The following CDC73 variants were observed in gnomAD, a reference collection of about 807,000 sequenced individuals.
CDC73 encodes cell division cycle 73.
In CDC73, 21 loss-of-function variants were observed where a neutral mutation model predicts 83.7. The ratio of observed to expected loss-of-function variants is 0.25; its 90% CI spans 0.18 to 0.36. The LOEUF (loss-of-function observed/expected upper bound fraction) is 0.36. CDC73 is among the 10% of genes least tolerant of loss of function. CDC73 has a pLI of 1.00. For missense variants in CDC73, 342 were observed against 653.3 expected (o/e 0.52, Z 5.19); for synonymous variants, 224 against 212.9 (o/e 1.05, Z -0.45).
chr1:193,247,972 A>G (rs554560946), intron 15 of CDC73, among the ~76,000 whole-genome samples: 9 of 152,308 alleles, frequency 5.9e-5, no homozygotes, highest in Admixed American at 5.2e-4. Context: ...TACAGTGAAT[A>G]TTATTGATGA....
chr1:193,206,128 C>G (rs1677185805), intron 11 of CDC73, among the ~76,000 whole-genome samples: 1 of 152,022 alleles, frequency 6.6e-6, no homozygotes, highest in Admixed American at 6.6e-5. Context: ...TCATATGTGT[C>G]TTGTGATAAA....
chr1:193,195,619 T>C (rs774634262), intron 10 of CDC73, among the ~76,000 whole-genome samples: 3 of 152,200 alleles, frequency 2.0e-5, no homozygotes, highest in Non-Finnish European at 4.4e-5. Flanking sequence ...CTGCCAGTCA[T>C]ATGTAAGAAT....
In CDC73 at chr1:193,192,391, C is replaced by T. The variant is rs183190077; in HGVS notation, c.973-11404C>T. ...CTGGGAGGCGGAAATTGCAGTGAGC[C>T]GAGATCGCGCCACTGCACTCCAGCC... On this transcript the variant is annotated intron_variant, in intron 10 of 16. Coordinates refer to ENST00000367435, the MANE Select transcript of CDC73 (RefSeq NM_024529.5). Among the ~76,000 whole-genome samples, 76 of 152,196 alleles carry T rather than the reference C, an allele frequency of 5.0e-4. 1 individual carries two copies. Among genetic ancestry groups the T allele is most frequent in the African/African-American group, 1.7e-3 (72 of 41,520 alleles).
intron 15 of CDC73, 61 bp from the exon 16 acceptor site, chr1:193,249,669 A>G: frequency 7.4e-7 from 1 of 1,359,622 alleles, no homozygotes; most frequent in Non-Finnish European, 1.0e-6. Flanking sequence ...GGAATAAAGA[A>G]ATTTTTTTCT....
intron 6 of CDC73, among the ~76,000 whole-genome samples, chr1:193,138,774 ATT>A (rs5779662): frequency 4.7e-5 from 6 of 128,958 alleles, no homozygotes; most frequent in Admixed American, 8.2e-5. Context: ...CTGAACTTTA[ATT>A]TTTTTTTTTT....
intron 10 of CDC73, chr1:193,180,471 G>T: frequency 6.2e-7 from 1 of 1,613,996 alleles, no homozygotes; most frequent in South Asian, 1.1e-5. Flanking sequence ...GCCAGTGATT[G>T]AACACAAACT....
intron 11 of CDC73, among the ~76,000 whole-genome samples, chr1:193,204,496 A>C (rs1240364187): frequency 6.6e-6 from 1 of 151,590 alleles, no homozygotes; most frequent in Non-Finnish European, 1.5e-5. Flanking sequence ...TCACTGTGTT[A>C]GCCAGGATGG....
At chr1:193,241,351 G>C (rs1677854427) in intron 15 of CDC73, among the ~76,000 whole-genome samples, 1 of 152,240 alleles carries the variant, frequency 6.6e-6, no homozygotes, top group Non-Finnish European at 1.5e-5. Context: ...GCTGGGGTCA[G>C]TGACATCAGG....
At chr1:193,218,546 G>T (rs538257776) in intron 13 of CDC73, among the ~76,000 whole-genome samples, 1 of 152,260 alleles carries the variant, frequency 6.6e-6, no homozygotes, top group South Asian at 2.1e-4. Context: ...CAAAACTGTA[G>T]TACTGGTACA....
chr1:193,194,930 G>A (rs1400858245), intron 10 of CDC73, among the ~76,000 whole-genome samples: 17 of 151,896 alleles, frequency 1.1e-4, no homozygotes, highest in Admixed American at 1.1e-3. Context: ...CTCTATATGT[G>A]TATGTACATA....
intron 11 of CDC73, among the ~76,000 whole-genome samples, chr1:193,206,122 A>G (rs747762350): frequency 6.6e-6 from 1 of 152,162 alleles, no homozygotes; most frequent in African/African-American, 2.4e-5. Flanking sequence ...TTTTGTTCAT[A>G]TGTGTCTTGT....
At chr1:193,221,726 GAA>G (rs1225381052) in intron 13 of CDC73, among the ~76,000 whole-genome samples, 5 of 152,138 alleles carry the variant, frequency 3.3e-5, no homozygotes, top group Non-Finnish European at 5.9e-5. Context: ...TTACTACAGA[GAA>G]ACCAGACAAT....
chr1:193,198,806 C>T (rs1558307998), intron 10 of CDC73, among the ~76,000 whole-genome samples: 1 of 152,200 alleles, frequency 6.6e-6, no homozygotes, highest in Non-Finnish European at 1.5e-5. Flanking sequence ...CAGATCTGTT[C>T]TGCTTACTAG....
At chr1:193,165,978 G>A (rs1342785978) in intron 10 of CDC73, among the ~76,000 whole-genome samples, 2 of 152,130 alleles carry the variant, frequency 1.3e-5, no homozygotes, top group African/African-American at 4.8e-5. Context: ...ATTTTAGGTT[G>A]ACTTTGTTAA....
intron 13 of CDC73, 26 bp from the exon 14 acceptor site, chr1:193,232,966 CT>C: frequency 6.3e-7 from 1 of 1,598,802 alleles, no homozygotes; most frequent in Non-Finnish European, 8.6e-7. Flanking sequence ...AATACATTGA[CT>C]TTTTCTCATC....
Position 193,254,212 on chromosome 1 carries a change from T to C in CDC73, c.*3500T>C, listed in dbSNP as rs1351777454. ...AAAAAGATTCTTAATAAAGAAATTA[T>C]TGGTTTGTCTGGTTAAAGTCCATAT... On this transcript the variant is annotated 3_prime_UTR_variant, in exon 17 of 17. Transcript: ENST00000367435. Among the ~76,000 whole-genome samples the C allele has an allele frequency of 6.6e-6, 1 of 151,982 alleles. No individual in the cohort carries two copies. Among genetic ancestry groups the C allele is most frequent in the African/African-American group, 2.4e-5 (1 of 41,432 alleles).
intron 13 of CDC73, among the ~76,000 whole-genome samples, chr1:193,224,913 G>A (rs184232180): frequency 6.6e-6 from 1 of 151,870 alleles, no homozygotes; most frequent in East Asian, 1.9e-4. Flanking sequence ...TATTTCCACA[G>A]GTTTTTGGGG....
Position 193,252,946 on chromosome 1 carries a change from A to G in CDC73, c.*2234A>G. ...CTTCTTGGTCTTGGAGTTTGAGAGT[A>G]CAGAATTACAGGGAATGAAGAGAGG... On this transcript the variant is annotated 3_prime_UTR_variant, in exon 17 of 17. Coordinates refer to ENST00000367435, the MANE Select transcript of CDC73 (RefSeq NM_024529.5). 4.3e-6 allele frequency: 1 copy of G among 231,722 alleles called. No individual in the cohort carries two copies. The highest frequency in any genetic ancestry group is 2.2e-5 in the African/African-American group (1 of 45,390). The allele number at this position is 231,722 out of a possible 1,614,324, so 14.4% of individuals were successfully genotyped here.
chr1:193,234,152 C>CTCTG (rs1465026182), intron 14 of CDC73, among the ~76,000 whole-genome samples: 3 of 88,184 alleles, frequency 3.4e-5, no homozygotes, highest in African/African-American at 1.3e-4. Flanking sequence ...TAGGATAATT[C>CTCTG]TCTCTCTCTC....
Sources: allele counts gnomAD v4.1 joint callset (sites outside exome capture counted in the v4.1 genomes callset), GRCh38; gene constraint gnomAD v4.1.1; transcripts MANE v1.5; gene names NCBI Gene and HGNC (gene_info 2026-07-23, HGNC 2026-07-21).